BRD4: variants seen among roughly 807,000 people sequenced by gnomAD.
The protein encoded by BRD4 is bromodomain containing 4.
A neutral mutation model predicts 142.1 loss-of-function variants in BRD4; 16 were observed. The ratio of observed to expected loss-of-function variants is 0.11; its 90% CI spans 0.08 to 0.17. The LOEUF (loss-of-function observed/expected upper bound fraction) is 0.17, where lower values mean the gene tolerates loss of function less well. Ranked by LOEUF, BRD4 falls within the 10% of genes least tolerant of loss-of-function variation. BRD4 has a pLI of 1.00. For synonymous variants in BRD4, 833 were observed against 707.5 expected (o/e 1.18, Z -2.82); for missense variants, 1,424 against 1,810.9 (o/e 0.79, Z 3.88).
intron 7 of BRD4, among the ~76,000 whole-genome samples, chr19:15,257,901 G>C (rs2047429988): frequency 6.6e-6 from 1 of 152,184 alleles, no homozygotes; most frequent in African/African-American, 2.4e-5. Flanking sequence ...CTAAGATCCA[G>C]CAATCAGATG....
intron 1 of BRD4, among the ~76,000 whole-genome samples, chr19:15,303,381 G>A (rs2047887889): frequency 6.6e-6 from 1 of 152,100 alleles, no homozygotes; most frequent in Admixed American, 6.6e-5. Context: ...TGTCAAACTA[G>A]TAAAACTATT....
chr19:15,263,814 C>A (rs762242725), intron 6 of BRD4, among the ~76,000 whole-genome samples: 2 of 152,124 alleles, frequency 1.3e-5, no homozygotes, highest in Admixed American at 6.5e-5. Flanking sequence ...CCAGAAATGA[C>A]GGGGAGAACT....
chr19:15,317,770 T>A lies in BRD4; in HGVS notation c.-35+14520A>T, dbSNP rs574235742. Among the ~76,000 whole-genome samples the A allele has an allele frequency of 2.0e-4, 31 of 152,286 alleles. 2 individuals carry two copies. Among genetic ancestry groups the A allele is most frequent in the Admixed American group, 1.8e-3 (27 of 15,294 alleles). On this transcript the variant is annotated intron_variant, in intron 1 of 19. Coordinates refer to ENST00000679869, the MANE Select transcript of BRD4 (RefSeq NM_001379291.1). Reference sequence around the variant, plus strand: ...GATAAGCAAGCTGCAGGCAGCATGCTACGCAACTCAAAAGGGCCCAATAGA... The same window carrying A: ...GATAAGCAAGCTGCAGGCAGCATGCAACGCAACTCAAAAGGGCCCAATAGA...
At chr19:15,286,012 C>A (rs1792628457) in intron 1 of BRD4, among the ~76,000 whole-genome samples, 1 of 152,158 alleles carries the variant, frequency 6.6e-6, no homozygotes, top group African/African-American at 2.4e-5. Flanking sequence ...CAGGTTCTCC[C>A]AGATGCCATG....
intron 1 of BRD4, among the ~76,000 whole-genome samples, chr19:15,288,839 C>T (rs2047759887): frequency 1.3e-5 from 2 of 152,168 alleles, no homozygotes; most frequent in Non-Finnish European, 2.9e-5. Flanking sequence ...AGAGAACACG[C>T]AACAGTACCA....
At chr19:15,244,670 A>G in intron 12 of BRD4, 40 bp downstream of exon 12, 1 of 1,614,052 alleles carries the variant, frequency 6.2e-7, no homozygotes, top group Non-Finnish European at 8.5e-7. Flanking sequence ...GGCCAGACCC[A>G]ACGTCCCACC....
At chr19:15,314,771 G>C (rs1241562110) in intron 1 of BRD4, among the ~76,000 whole-genome samples, 1 of 152,200 alleles carries the variant, frequency 6.6e-6, no homozygotes, top group Non-Finnish European at 1.5e-5. Context: ...GTGGCTACCA[G>C]GCTGGATAAC....
At chr19:15,268,863 C>T (rs1343792738) in intron 3 of BRD4, 42 bp downstream of exon 3, 1 of 1,609,212 alleles carries the variant, frequency 6.2e-7, no homozygotes, top group East Asian at 2.2e-5. Context: ...GCCTCCCCTC[C>T]TCTCTCCCCA....
At chr19:15,243,514 G>A (rs1360580663) in intron 13 of BRD4, 27 bp from the exon 14 acceptor site, 8 of 1,531,512 alleles carry the variant, frequency 5.2e-6, no homozygotes, top group African/African-American at 1.4e-5. Flanking sequence ...CCGAGGCGGT[G>A]AGGCCTGAGC....
chr19:15,296,941 C>G (rs2047828108), intron 1 of BRD4, among the ~76,000 whole-genome samples: 1 of 152,132 alleles, frequency 6.6e-6, no homozygotes, highest in African/African-American at 2.4e-5. Flanking sequence ...CCACCAACAG[C>G]CACCACATGA....
Position 15,275,829 on chromosome 19 carries a change from G to C in BRD4, c.-34-2696C>G, listed in dbSNP as rs77733831. ...GGAGATGAGCCTGGACAACATGATG[G>C]AACCCCATCTCTACTAAAAAGACAA... is the stretch of plus-strand genomic sequence containing the variant. On this transcript the variant is annotated intron_variant, in intron 1 of 19. Coordinates refer to ENST00000679869, the MANE Select transcript of BRD4 (RefSeq NM_001379291.1). 7.6e-3 allele frequency: 1,149 copies of C among 152,124 alleles called. 10 individuals are homozygous for C. The highest frequency in any genetic ancestry group is 0.01 in the Admixed American group (158 of 15,268). The allele number at this position is 152,124 out of a possible 1,614,324, so 9.4% of individuals were successfully genotyped here.
intron 1 of BRD4, among the ~76,000 whole-genome samples, chr19:15,291,976 C>A (rs1020283235): frequency 6.6e-6 from 1 of 152,212 alleles, no homozygotes; most frequent in South Asian, 2.1e-4. Context: ...GGTTTACATT[C>A]TTACAGCCAA....
intron 12 of BRD4, 52 bp from the exon 13 acceptor site, chr19:15,244,652 C>A: frequency 6.2e-7 from 1 of 1,614,022 alleles, no homozygotes; most frequent in Non-Finnish European, 8.5e-7. Flanking sequence ...GCAGGCAGAA[C>A]TGGCCCGGGC....
chr19:15,304,804 T>C lies in BRD4; in HGVS notation c.-35+27486A>G, dbSNP rs550692804. Among the ~76,000 whole-genome samples the C allele has an allele frequency of 1.6e-4, 25 of 152,256 alleles. 1 individual carries two copies. The South Asian group carries it at 2.1e-3, about 13-fold the overall frequency. Reference sequence around the variant, plus strand: ...TCAGTTTTGCAGCCAAGGAAGCTGATGCGAGAAGAAATCGGTAATTCATCT... The same window carrying C: ...TCAGTTTTGCAGCCAAGGAAGCTGACGCGAGAAGAAATCGGTAATTCATCT... On this transcript the variant is annotated intron_variant, in intron 1 of 19. Coordinates refer to ENST00000679869, the MANE Select transcript of BRD4 (RefSeq NM_001379291.1).
At chr19:15,294,310 G>A (rs2047806545) in intron 1 of BRD4, among the ~76,000 whole-genome samples, 2 of 152,262 alleles carry the variant, frequency 1.3e-5, no homozygotes, top group Non-Finnish European at 2.9e-5. Context: ...AGAGACTGTG[G>A]CTGCTCTGGA....
chr19:15,325,895 G>C (rs184829816), intron 1 of BRD4, among the ~76,000 whole-genome samples: 2 of 150,830 alleles, frequency 1.3e-5, no homozygotes, highest in Non-Finnish European at 2.9e-5. Context: ...CTACTAAGGA[G>C]GCTGAGGCAG....
At chr19:15,252,443 G>C (rs1169358197) in intron 11 of BRD4, among the ~76,000 whole-genome samples, 1 of 152,250 alleles carries the variant, frequency 6.6e-6, no homozygotes, top group Non-Finnish European at 1.5e-5. Context: ...CAAAAACCCA[G>C]AGGAAGGCAA....
intron 1 of BRD4, chr19:15,275,660 G>A (rs1377612673): frequency 1.3e-5 from 2 of 152,168 alleles, no homozygotes; most frequent in Admixed American, 6.5e-5. Context: ...GACAAACCTG[G>A]TAGCTACCAG....
At chr19:15,257,442 C>A (rs1269150890) in intron 7 of BRD4, 5 of 499,876 alleles carry the variant, frequency 1.0e-5, no homozygotes, top group Non-Finnish European at 1.4e-5. Context: ...GGACACCGCC[C>A]AGGCAAGGAC....
Sources: gnomAD v4.1 joint callset for allele counts (sites outside exome capture counted in the v4.1 genomes callset) on GRCh38, gnomAD v4.1.1 for gene constraint, MANE v1.5 for transcripts, NCBI Gene and HGNC (gene_info 2026-07-23, HGNC 2026-07-21) for gene names.